Variants in PCNX3 observed in about 807,000 individuals in gnomAD.
PCNX3 encodes pecanex-like protein 3.
In PCNX3, 58 loss-of-function variants were observed where a neutral mutation model predicts 207.2. That is an observed-to-expected ratio of 0.28 (90% CI 0.23 to 0.35). PCNX3 has a LOEUF of 0.35. Among genes scored for constraint, PCNX3 ranks in the 10% least tolerant of loss-of-function variants. PCNX3 has a pLI of 1.00. For synonymous variants in PCNX3, 1,337 were observed against 1,183.5 expected, an observed-to-expected ratio of 1.13 and a Z score of -2.66; for missense variants, 2,410 against 2,774.4, an observed-to-expected ratio of 0.87 and a Z score of 2.95.
At chr11:65,632,615 C>T (rs1367359090) in intron 27 of PCNX3, among the ~76,000 whole-genome samples, 1 of 137,762 alleles carries the variant, frequency 7.3e-6, no homozygotes, top group African/African-American at 2.7e-5. Context: ...GCTGGTATTG[C>T]CCCCCGTCTT....
rs1319852620 is a variant in PCNX3, at chr11:65,617,690, C to T, written c.561C>T (p.Ser187=). The T allele has an allele frequency of 2.5e-6, 4 of 1,570,144 alleles. No homozygotes were observed. In the East Asian group the frequency reaches 9.4e-5, roughly 37 times the overall value. Residue 187 remains serine, a synonymous_variant, in exon 5 of 35, where the codon AGC becomes AGT. Coordinates refer to ENST00000355703, the MANE Select transcript of PCNX3 (RefSeq NM_032223.4). ...TSADREMLKL[S]SQEKLIGDLP... ...CCGACCGAGAGATGCTGAAGCTCAGCTCGCAGGAGAAACTGAGTGCGTGGG... is the reference window on the plus strand; with the variant it reads ...CCGACCGAGAGATGCTGAAGCTCAGTTCGCAGGAGAAACTGAGTGCGTGGG...
chr11:65,632,427 A>G (rs1855653582), intron 27 of PCNX3, among the ~76,000 whole-genome samples: 1 of 150,630 alleles, frequency 6.6e-6, no homozygotes, highest in South Asian at 2.2e-4. Flanking sequence ...CCCTCCCGTT[A>G]GCTTTGCCCT....
chr11:65,629,296 G>A, intron 24 of PCNX3, 61 bp from the exon 25 acceptor site: 15 of 1,516,878 alleles, frequency 9.9e-6, no homozygotes, highest in Non-Finnish European at 1.3e-5. Context: ...GAGAGCATGA[G>A]CAGGGTGCAC....
Position 65,635,702 on chromosome 11 carries a change from C to G in PCNX3, c.5358C>G (p.Leu1786=). The G allele has an allele frequency of 6.2e-7, 1 of 1,610,472 alleles. No individual in the cohort carries two copies. The change falls in exon 32 of 35, where the codon CTC becomes CTG. Residue 1786 remains leucine (L), a synonymous_variant. Coordinates refer to ENST00000355703, the MANE Select transcript of PCNX3 (RefSeq NM_032223.4). The surrounding 1 kb of genome is among the most constrained non-coding windows in gnomAD (Gnocchi z 9.9). ...PLGYPIYVSP[L]TTSLAGSHPQ... is the part of the protein sequence containing the mutation. Reference sequence around the variant, plus strand: ...GCTACCCCATCTACGTGTCGCCTCTCACCACCTCGCTGGCTGGCAGCCACC... The same window carrying G: ...GCTACCCCATCTACGTGTCGCCTCTGACCACCTCGCTGGCTGGCAGCCACC...
intron 24 of PCNX3, 87 bp downstream of exon 24, chr11:65,629,035 C>T: frequency 6.5e-7 from 1 of 1,543,578 alleles, no homozygotes; most frequent in Non-Finnish European, 8.7e-7. Context: ...CACAGAGGGG[C>T]CCACAGCAGG....
intron 9 of PCNX3, 118 bp from the exon 10 acceptor site, chr11:65,620,713 G>C: frequency 7.3e-7 from 1 of 1,379,210 alleles, no homozygotes; most frequent in South Asian, 1.3e-5. Context: ...CTTGTCCCTT[G>C]AGCCCTGGTT....
At position 65,636,636 on chromosome 11, in the gene PCNX3, T is replaced by C. The variant is rs2135491661; in HGVS notation, c.5839T>C (p.Ser1947Pro). ...SLGGRKGLGG[S>P]DGEPASGSPK... is the part of the protein sequence containing the mutation. The stretch of plus-strand genomic sequence containing the variant: ...GGGGGGCCGGAAGGGGCTGGGAGGA[T>C]CTGACGGGGAGCCAGCCTCAGGGAG... Residue 1947 changes from serine (S) to proline (P), a missense_variant, in exon 34 of 35, where the codon TCT (serine) becomes CCT (proline). Transcript: ENST00000355703. The C allele has an allele frequency of 1.3e-6, 2 of 1,585,948 alleles. No individual in the cohort carries two copies. The highest frequency in any genetic ancestry group is 2.3e-5 in the East Asian group (1 of 43,860).
chr11:65,616,626 G>T (rs1031056609), intron 1 of PCNX3, among the ~76,000 whole-genome samples, 162 bp downstream of exon 1: 12 of 152,196 alleles, frequency 7.9e-5, no homozygotes, highest in Non-Finnish European at 1.6e-4. Flanking sequence ...CTTGGATCGA[G>T]TGACCTTGAA....
Position 65,618,130 on chromosome 11 carries a change from G to T in PCNX3, c.768G>T (p.Leu256=). The change falls in exon 6 of 35, where the codon CTG becomes CTT. Residue 256 remains leucine, a synonymous_variant. Coordinates refer to ENST00000355703, the MANE Select transcript of PCNX3 (RefSeq NM_032223.4). ...SQELSKSFLT[L]TQPDRALVRT... ...AGCTGAGCAAGAGCTTCCTGACCCTGACCCAGCCTGACCGGGCCCTGGTGA... is the reference window on the plus strand; with the variant it reads ...AGCTGAGCAAGAGCTTCCTGACCCTTACCCAGCCTGACCGGGCCCTGGTGA... 6.2e-7 allele frequency: 1 copy of T among 1,611,242 alleles called. No individual in the cohort carries two copies. The highest frequency in any genetic ancestry group is 8.5e-7 in the Non-Finnish European group (1 of 1,178,982).
At chr11:65,626,083 T>G (rs763740909) in intron 20 of PCNX3, 29 bp downstream of exon 20, 102 of 1,575,448 alleles carry the variant, frequency 6.5e-5, no homozygotes, top group Non-Finnish European at 7.1e-5. Flanking sequence ...TGGCCAGGCC[T>G]GGGCAGTGGC....
intron 12 of PCNX3, 129 bp downstream of exon 12, chr11:65,623,773 A>G: frequency 6.6e-7 from 1 of 1,521,710 alleles, no homozygotes; most frequent in South Asian, 1.2e-5. Flanking sequence ...AGAGCTGGCC[A>G]GCTCTTTTAC....
In PCNX3 at chr11:65,624,283, C is replaced by T. The variant is rs1240299440; in HGVS notation, c.2633C>T (p.Ala878Val). ...LIWLLDALGS[A>V]QPFPPVSLYG... ...TGGCTGCTGGACGCCCTGGGCTCAG[C>T]TCAGCCCTTCCCACCTGTCTCCCTC... Residue 878 changes from alanine to valine, a missense_variant, in exon 14 of 35, where the codon GCT (alanine) becomes GTT (valine). By Grantham distance (64) the Ala-to-Val change is moderately conservative. This residue lies in a region of PCNX3 where 177 missense variants were observed against 257.5 expected (regional missense o/e 0.69). Coordinates refer to ENST00000355703, the MANE Select transcript of PCNX3 (RefSeq NM_032223.4). 1 of 1,593,476 alleles carries T rather than the reference C, an allele frequency of 6.3e-7. No individual in the cohort carries two copies. Among genetic ancestry groups the T allele is most frequent in the Non-Finnish European group, 8.5e-7 (1 of 1,169,676 alleles).
At position 65,633,996 on chromosome 11, in the gene PCNX3, C is replaced by T. The variant is rs1262066488; in HGVS notation, c.4471-130C>T. On this transcript the variant is annotated intron_variant, in intron 27 of 34. Coordinates refer to ENST00000355703, the MANE Select transcript of PCNX3 (RefSeq NM_032223.4). ...TGGTTGCTCTTGAGAGCTGAGATGG[C>T]TCTAGGAGCGGGGCATCCCAGAAAG... The T allele has an allele frequency of 3.5e-6, 3 of 857,066 alleles. No homozygotes were observed. In the East Asian group the frequency reaches 8.0e-5, roughly 23 times the overall value. The allele number at this position is 857,066 out of a possible 1,614,324, so 53.1% of individuals were successfully genotyped here.
At chr11:65,617,433 GC>G (rs1222926872) in intron 3 of PCNX3, 36 bp from the exon 4 acceptor site, 1 of 1,613,910 alleles carries the variant, frequency 6.2e-7, no homozygotes, top group African/African-American at 1.3e-5. Context: ...CCTACTTCTT[GC>G]CTTGTTTGTT....
Position 65,619,518 on chromosome 11 carries a change from G to A in PCNX3, c.1706-19G>A, listed in dbSNP as rs750552944. 1.9e-6 allele frequency: 3 copies of A among 1,610,252 alleles called. No homozygotes were observed. The South Asian group carries it at 3.3e-5, about 18-fold the overall frequency. Reference sequence around the variant, plus strand: ...TCTGAGCATCTGTCACTTACACTTGGGGGCCTCTCTCTGGGCAGCGGCCGA... The same window carrying A: ...TCTGAGCATCTGTCACTTACACTTGAGGGCCTCTCTCTGGGCAGCGGCCGA... On this transcript the variant is annotated intron_variant, in intron 6 of 34. Coordinates refer to ENST00000355703, the MANE Select transcript of PCNX3 (RefSeq NM_032223.4).
rs750990779 is a variant in PCNX3, at chr11:65,630,643, C to T, written c.4470+39C>T. The T allele has an allele frequency of 1.1e-4, 179 of 1,589,470 alleles. No individual in the cohort carries two copies. The East Asian group carries it at 3.2e-3, about 28-fold the overall frequency. On this transcript the variant is annotated intron_variant, in intron 27 of 34. Coordinates refer to ENST00000355703, the MANE Select transcript of PCNX3 (RefSeq NM_032223.4). ...GTGTGGCCGGGCAGCAGGGCCCTTGCGGGTGAGCGCTCGCTGACCAGAGGC... is the reference window on the plus strand; with the variant it reads ...GTGTGGCCGGGCAGCAGGGCCCTTGTGGGTGAGCGCTCGCTGACCAGAGGC...
chr11:65,633,087 C>G (rs1405457912), intron 27 of PCNX3, among the ~76,000 whole-genome samples: 1 of 152,134 alleles, frequency 6.6e-6, no homozygotes, highest in Non-Finnish European at 1.5e-5. Flanking sequence ...TCTGGTGGTG[C>G]CTGGATTGTA....
In PCNX3 at chr11:65,616,918, C is replaced by T; in HGVS notation, c.248C>T (p.Ala83Val). The T allele has an allele frequency of 6.2e-7, 1 of 1,613,554 alleles. No individual in the cohort carries two copies. Among genetic ancestry groups the T allele is most frequent in the Non-Finnish European group, 8.5e-7 (1 of 1,179,860 alleles). ...AAGACTGTCAATTATCGGCTTCATG[C>T]CATGTTTGACCAGGGCGAGATCGTG... is the stretch of plus-strand genomic sequence containing the variant. ...TIKTVNYRLH[A>V]MFDQGEIVEK... is the part of the protein sequence containing the mutation. The change falls in exon 2 of 35, where the codon GCC becomes GTC. Residue 83 changes from alanine (A) to valine (V), a missense_variant. This residue lies in a region of PCNX3 where 1,104 missense variants were observed against 970.3 expected (regional missense o/e 1.14). Coordinates refer to ENST00000355703, the MANE Select transcript of PCNX3 (RefSeq NM_032223.4).
chr11:65,622,659 G>C (rs997170874), intron 11 of PCNX3, among the ~76,000 whole-genome samples: 1 of 152,178 alleles, frequency 6.6e-6, no homozygotes, highest in Non-Finnish European at 1.5e-5. Context: ...GCAGTGGCAT[G>C]ATCTCGGCTC....
Sources: allele counts gnomAD v4.1 joint callset (sites outside exome capture counted in the v4.1 genomes callset), GRCh38; gene constraint gnomAD v4.1.1; regional missense constraint gnomAD v4.1.1; non-coding constraint Gnocchi (gnomAD v3.1); transcripts MANE v1.5; gene names NCBI Gene and HGNC (gene_info 2026-07-23, HGNC 2026-07-21).